The following MCM9 variants were observed in gnomAD, a reference collection of about 807,000 sequenced individuals.
MCM9 encodes minichromosome maintenance 9 homologous recombination repair factor, also known as DNA helicase MCM9.
A neutral mutation model predicts 72.8 loss-of-function variants in MCM9; 55 were observed. The ratio of observed to expected loss-of-function variants is 0.76; its 90% CI spans 0.61 to 0.95. The LOEUF is 0.95. Among genes scored for constraint, MCM9 ranks in the 40% least tolerant of loss-of-function variants. The pLI is 0.00. For synonymous variants in MCM9, 480 were observed against 503.4 expected (o/e 0.95, Z 0.62); for missense variants, 1,279 against 1,377.0 (o/e 0.93, Z 1.13).
In MCM9 at chr6:118,856,406, T is replaced by C. The variant is rs1300313243; in HGVS notation, c.1290A>G (p.Ala430=). The part of the protein sequence containing the change: ...KEHDRTSIHE[A]MEQQTISVAK... ...CAACACTTATGGTTTGTTGCTCCAT[T>C]GCTTCATGGATACTGGTCCTATCAT... The change falls in exon 9 of 14, where the codon GCA becomes GCG. Residue 430 remains alanine (A), a synonymous_variant. Transcript: ENST00000619706. 3.3e-6 allele frequency: 5 copies of C among 1,535,510 alleles called. No individual in the cohort carries two copies. Among genetic ancestry groups the C allele is most frequent in the Non-Finnish European group, 4.4e-6 (5 of 1,146,846 alleles).
At chr6:118,898,663 C>G (rs928584761) in intron 8 of MCM9, among the ~76,000 whole-genome samples, 1 of 152,192 alleles carries the variant, frequency 6.6e-6, no homozygotes. Context: ...AGCCATCCAG[C>G]CACCTTAGCC....
At chr6:118,895,478 T>A (rs1779329723) in intron 8 of MCM9, among the ~76,000 whole-genome samples, 1 of 152,234 alleles carries the variant, frequency 6.6e-6, no homozygotes, top group South Asian at 2.1e-4. Flanking sequence ...CAAGACCGTG[T>A]TGAAATCTAA....
At chr6:118,923,728 C>A in intron 4 of MCM9, 83 bp downstream of exon 4, 1 of 1,184,634 alleles carries the variant, frequency 8.4e-7, no homozygotes. Flanking sequence ...TGTATCCATT[C>A]TGTGTTCCCT....
In MCM9 at chr6:118,894,382, C is replaced by T. The variant is rs755417692; in HGVS notation, c.1150+17268G>A. ...GGACTTTATTGTGCCGCAACCAGCC[C>T]CAGTTCCCATTGTTTGTGTTTTTTT... is the stretch of plus-strand genomic sequence containing the variant. On this transcript the variant is annotated intron_variant, in intron 8 of 13. Transcript: ENST00000619706. 1.2e-5 allele frequency: 18 copies of T among 1,536,616 alleles called. No individual in the cohort carries two copies. In the East Asian group the frequency reaches 3.9e-4, roughly 33 times the overall value.
intron 8 of MCM9, chr6:118,893,885 G>A: frequency 3.1e-6 from 1 of 321,826 alleles, no homozygotes; most frequent in Non-Finnish European, 4.4e-6. Flanking sequence ...CCCACACGAA[G>A]CCAACTGGAG....
Position 118,931,544 on chromosome 6 carries a change from C to A in MCM9, c.180G>T (p.Met60Ile). The change falls in exon 3 of 14, where the codon ATG becomes ATT. Residue 60 changes from methionine (M) to isoleucine (I), a missense_variant. Transcript: ENST00000619706. ...AAATTGTAAGCACTTCACTGGGGAA[C>A]ATGTTGAAATATTCCCCGATTTCCA... Reference protein sequence around the residue: ...TNMEIGEYFNMFPSEVLTIFD... With the variant: ...TNMEIGEYFNIFPSEVLTIFD... 6.2e-7 allele frequency: 1 copy of A among 1,614,098 alleles called. No homozygotes were observed. The highest frequency in any genetic ancestry group is 8.5e-7 in the Non-Finnish European group (1 of 1,180,002).
At chr6:118,880,283 T>C (rs553438870) in intron 8 of MCM9, among the ~76,000 whole-genome samples, 2 of 152,190 alleles carry the variant, frequency 1.3e-5, no homozygotes, top group East Asian at 3.9e-4. Context: ...GAGACTAACA[T>C]GTAGAAGTTT....
intron 8 of MCM9, among the ~76,000 whole-genome samples, chr6:118,877,071 T>C (rs1777977640): frequency 6.6e-6 from 1 of 152,190 alleles, no homozygotes. Context: ...CACTATGTTG[T>C]AAAGAAGCCT....
rs144115266 is a variant in MCM9 at position 118,816,588 on chromosome 6, CATTT to C, written c.1962-298_1962-295del. 6.6e-3 allele frequency among the ~76,000 whole-genome samples: 999 copies of C among 152,282 alleles called. 7 individuals are homozygous for C. Among genetic ancestry groups the C allele is most frequent in the African/African-American group, 0.022 (923 of 41,546 alleles). On this transcript the variant is annotated intron_variant, in intron 13 of 13. Transcript: ENST00000619706. ...GATCTCTCCAAAAGTCCAATTCATTCATTTAAGATTGTTTGAAGATCAGTGTAAA... is the reference window on the plus strand; with the variant it reads ...GATCTCTCCAAAAGTCCAATTCATTCAAGATTGTTTGAAGATCAGTGTAAA...
chr6:118,920,678 T>C (rs936194975), intron 5 of MCM9: 3 of 152,358 alleles, frequency 2.0e-5, no homozygotes, highest in African/African-American at 7.2e-5. Flanking sequence ...CCACTCTTGC[T>C]CCTGCTTTTA....
intron 2 of MCM9, among the ~76,000 whole-genome samples, chr6:118,932,071 G>A (rs9481872): frequency 0.086 from 13,080 of 152,096 alleles, 915 homozygotes; most frequent in East Asian, 0.19. Flanking sequence ...CAACATTTCC[G>A]GACTGCACTT....
chr6:118,908,533 T>C (rs1780323177), intron 8 of MCM9: 1 of 152,150 alleles, frequency 6.6e-6, no homozygotes, highest in Non-Finnish European at 1.5e-5. Context: ...TTATAATAGA[T>C]ACGTTACTAT....
At chr6:118,890,741 T>G (rs1288162482) in intron 8 of MCM9, among the ~76,000 whole-genome samples, 1 of 152,246 alleles carries the variant, frequency 6.6e-6, no homozygotes, top group South Asian at 2.1e-4. Flanking sequence ...ACAGAAAATT[T>G]TATTTAAAAC....
At chr6:118,852,128 C>T (rs1487390608) in intron 9 of MCM9, among the ~76,000 whole-genome samples, 1 of 152,126 alleles carries the variant, frequency 6.6e-6, no homozygotes, top group African/African-American at 2.4e-5. Context: ...GTACTGAATA[C>T]CATAGGCAAC....
rs570067315 is a variant in MCM9 at position 118,931,170 on chromosome 6, G to A, written c.304+250C>T. On this transcript the variant is annotated intron_variant, in intron 3 of 13. Transcript: ENST00000619706. ...TTGAATTACATTTTTAAACACAGACGTGGAAATATATAGACACACAAGTAT... is the reference window on the plus strand; with the variant it reads ...TTGAATTACATTTTTAAACACAGACATGGAAATATATAGACACACAAGTAT... Among the ~76,000 whole-genome samples, 3 of 152,214 alleles carry A rather than the reference G, an allele frequency of 2.0e-5. No homozygotes were observed. In the East Asian group the frequency reaches 5.8e-4, roughly 29 times the overall value.
rs144649654 is a variant in MCM9, at chr6:118,861,252, G to A, written c.1151-4707C>T. Among the ~76,000 whole-genome samples the A allele has an allele frequency of 1.9e-4, 29 of 152,290 alleles. No homozygotes were observed. In the East Asian group the frequency reaches 4.8e-3, roughly 25 times the overall value. On this transcript the variant is annotated intron_variant, in intron 8 of 13. Coordinates refer to ENST00000619706, the MANE Select transcript of MCM9 (RefSeq NM_017696.3). ...GGAACACGATGGTGCCCAAAAACTC[G>A]GAGACACCAGGAACTGCAGAGCCCC...
intron 9 of MCM9, among the ~76,000 whole-genome samples, chr6:118,838,328 T>G (rs1356161387): frequency 1.3e-5 from 2 of 151,624 alleles, no homozygotes; most frequent in Admixed American, 6.6e-5. Context: ...ACGCCTGGCT[T>G]TTTTGTATCT....
intron 8 of MCM9, chr6:118,894,194 C>G: frequency 7.5e-7 from 1 of 1,335,130 alleles, no homozygotes. Context: ...TGCTACTTAT[C>G]AGAGCAGAAT....
rs1299088079 is a variant in MCM9 at position 118,814,397 on chromosome 6, A to C, written c.*427T>G. The C allele has an allele frequency of 6.5e-6, 1 of 154,266 alleles. No homozygotes were observed. The highest frequency in any genetic ancestry group is 1.4e-5 in the Non-Finnish European group (1 of 69,660). 9.6% of individuals were successfully genotyped at this position (154,266 alleles called of 1,614,324 possible). On this transcript the variant is annotated 3_prime_UTR_variant, in exon 14 of 14. Transcript: ENST00000619706. ...CCATTCCAGGTGAAAATACAAAAAA[A>C]AAAAAAAAAAGTAGAAAAGAGTTCA...
Sources: allele counts gnomAD v4.1 joint callset (sites outside exome capture counted in the v4.1 genomes callset), GRCh38; gene constraint gnomAD v4.1.1; transcripts MANE v1.5; gene names NCBI Gene and HGNC (gene_info 2026-07-23, HGNC 2026-07-21).